The following KCNK2 variants were observed in gnomAD, a reference collection of about 807,000 sequenced individuals.
KCNK2 encodes potassium channel subfamily K member 2.
A neutral mutation model predicts 40.5 loss-of-function variants in KCNK2; 21 were observed. The observed-to-expected ratio is 0.52, with a 90% CI of 0.37 to 0.75. The LOEUF is 0.75. Ranked by LOEUF, KCNK2 falls within the 30% of genes least tolerant of loss-of-function variation. The pLI is 0.00. For synonymous variants in KCNK2, 191 were observed against 202.2 expected, an observed-to-expected ratio of 0.94 and a Z score of 0.47; for missense variants, 399 against 531.6, an observed-to-expected ratio of 0.75 and a Z score of 2.45.
At chr1:215,218,743 A>T (rs1666053657) in intron 6 of KCNK2, among the ~76,000 whole-genome samples, 1 of 152,094 alleles carries the variant, frequency 6.6e-6, no homozygotes, top group Non-Finnish European at 1.5e-5. Flanking sequence ...TTATCCTATG[A>T]TCTTCAAATT....
chr1:215,157,094 C>T (rs1662965798), intron 3 of KCNK2, among the ~76,000 whole-genome samples: 1 of 152,174 alleles, frequency 6.6e-6, no homozygotes, highest in South Asian at 2.1e-4. Flanking sequence ...AAGGCCCCTC[C>T]TCTGACACTT....
At chr1:215,174,228 A>G (rs1663850892) in intron 5 of KCNK2, among the ~76,000 whole-genome samples, 1 of 152,182 alleles carries the variant, frequency 6.6e-6, no homozygotes, top group African/African-American at 2.4e-5. Context: ...TAAATAGGGA[A>G]TCCTTTCCCC....
intron 1 of KCNK2, among the ~76,000 whole-genome samples, chr1:215,028,972 T>C (rs1262784302): frequency 4.6e-5 from 7 of 152,042 alleles, no homozygotes; most frequent in African/African-American, 1.7e-4. Context: ...ACAGGCTTTT[T>C]TTTTTTTAGA....
intron 5 of KCNK2, among the ~76,000 whole-genome samples, chr1:215,181,621 G>A (rs1664218652): frequency 6.6e-6 from 1 of 152,020 alleles, no homozygotes; most frequent in South Asian, 2.1e-4. Flanking sequence ...AGAGAATACT[G>A]GGCAGGGTAT....
intron 6 of KCNK2, among the ~76,000 whole-genome samples, chr1:215,209,400 A>G (rs1386030093): frequency 2.9e-5 from 2 of 68,476 alleles, no homozygotes; most frequent in African/African-American, 1.2e-4. Context: ...TATTATATAT[A>G]AAATATGCAT....
chr1:215,153,655 G>A (rs940421464), intron 3 of KCNK2, among the ~76,000 whole-genome samples: 1 of 151,218 alleles, frequency 6.6e-6, no homozygotes, highest in Non-Finnish European at 1.5e-5. Context: ...TCCGGGATAC[G>A]TGTGCAGAAC....
rs187957082 is a variant in KCNK2 at position 215,171,603 on chromosome 1, T to G, written c.637-394T>G. On this transcript the variant is annotated intron_variant, in intron 4 of 6. Coordinates refer to ENST00000444842, the MANE Select transcript of KCNK2 (RefSeq NM_001017425.3). The stretch of plus-strand genomic sequence containing the variant: ...TGTATTTGGCCTGAAATCAGTTGTA[T>G]GTATGATTATAGAATAGAAATATTT... Among the ~76,000 whole-genome samples the G allele has an allele frequency of 3.1e-3, 473 of 152,262 alleles. 5 individuals are homozygous for G. The highest frequency in any genetic ancestry group is 0.011 in the African/African-American group (455 of 41,568).
At chr1:215,194,091 T>C (rs555361214) in intron 5 of KCNK2, among the ~76,000 whole-genome samples, 3 of 152,314 alleles carry the variant, frequency 2.0e-5, no homozygotes, top group African/African-American at 7.2e-5. Flanking sequence ...TATGAATTTT[T>C]CAAGGGAGGT....
intron 3 of KCNK2, among the ~76,000 whole-genome samples, chr1:215,146,842 G>C (rs1662438408): frequency 6.6e-6 from 1 of 152,194 alleles, no homozygotes; most frequent in African/African-American, 2.4e-5. Flanking sequence ...CATTCAGAGA[G>C]TGGGGATAAC....
chr1:215,144,334 CT>C (rs1382958407), intron 3 of KCNK2, among the ~76,000 whole-genome samples: 1 of 152,012 alleles, frequency 6.6e-6, no homozygotes, highest in Non-Finnish European at 1.5e-5. Context: ...GTGATGTAGC[CT>C]TTCATCTAAA....
At chr1:215,228,542 G>A (rs901213053) in intron 6 of KCNK2, among the ~76,000 whole-genome samples, 5 of 152,096 alleles carry the variant, frequency 3.3e-5, no homozygotes, top group African/African-American at 7.2e-5. Context: ...TCTTTCTTCC[G>A]TAAATTACAT....
chr1:215,213,834 T>C (rs147358206), intron 6 of KCNK2, among the ~76,000 whole-genome samples: 27 of 152,288 alleles, frequency 1.8e-4, no homozygotes, highest in African/African-American at 6.5e-4. Context: ...GTGTAGAGTC[T>C]ATAAATGAAA....
chr1:215,047,628 C>T (rs181659826), intron 1 of KCNK2, among the ~76,000 whole-genome samples: 3 of 152,228 alleles, frequency 2.0e-5, no homozygotes, highest in African/African-American at 7.2e-5. Context: ...TTTGCTCCCT[C>T]TGTTAGTAGA....
chr1:215,113,094 A>G (rs1660768438), intron 2 of KCNK2, among the ~76,000 whole-genome samples: 1 of 152,202 alleles, frequency 6.6e-6, no homozygotes, highest in Non-Finnish European at 1.5e-5. Context: ...TACTGGACAC[A>G]TAGGCCATAT....
intron 5 of KCNK2, among the ~76,000 whole-genome samples, chr1:215,183,904 G>C (rs1664324729): frequency 6.6e-6 from 1 of 152,106 alleles, no homozygotes; most frequent in African/African-American, 2.4e-5. Context: ...ATATTTATCT[G>C]TTTCTATTGA....
intron 5 of KCNK2, among the ~76,000 whole-genome samples, chr1:215,182,511 G>A (rs1356598857): frequency 1.3e-5 from 2 of 152,100 alleles, no homozygotes; most frequent in Non-Finnish European, 2.9e-5. Flanking sequence ...ATACAGATTG[G>A]TACCAGGTCA....
intron 1 of KCNK2, among the ~76,000 whole-genome samples, chr1:215,060,791 A>T (rs934415518): frequency 1.3e-5 from 2 of 152,206 alleles, no homozygotes; most frequent in Admixed American, 1.3e-4. Context: ...ATTAGCACAG[A>T]ATCTGGTTTC....
chr1:215,056,499 C>CAAAAA (rs376076606), intron 1 of KCNK2, among the ~76,000 whole-genome samples: 25 of 55,130 alleles, frequency 4.5e-4, no homozygotes, highest in African/African-American at 8.2e-4. Context: ...GACTCAGTCT[C>CAAAAA]AAAAAAAAAA....
At chr1:215,090,515 T>C (rs1659647328) in intron 2 of KCNK2, among the ~76,000 whole-genome samples, 1 of 152,228 alleles carries the variant, frequency 6.6e-6, no homozygotes, top group Admixed American at 6.5e-5. Flanking sequence ...ATGAAAAGTA[T>C]ATAAACTGAA....
Sources: gnomAD v4.1 joint callset for allele counts (sites outside exome capture counted in the v4.1 genomes callset) on GRCh38, gnomAD v4.1.1 for gene constraint, MANE v1.5 for transcripts, NCBI Gene and HGNC (gene_info 2026-07-23, HGNC 2026-07-21) for gene names.